The following BTBD16 variants were observed in gnomAD, a reference collection of about 807,000 sequenced individuals.
The protein encoded by BTBD16 is BTB domain containing 16, also known as BTB/POZ domain-containing protein 16.
A neutral mutation model predicts 67.4 loss-of-function variants in BTBD16; 66 were observed. The ratio of observed to expected loss-of-function variants is 0.98; its 90% CI spans 0.80 to 1.20. The LOEUF (loss-of-function observed/expected upper bound fraction) is 1.20. BTBD16 is among the 50% of genes most tolerant of loss of function. The pLI is 0.00. For missense variants in BTBD16, 634 were observed against 616.0 expected (o/e 1.03, Z -0.31); for synonymous variants, 242 against 236.4 (o/e 1.02, Z -0.22).
chr10:122,335,020 CT>C, intron 14 of BTBD16, 41 bp downstream of exon 14: 1 of 948,114 alleles, frequency 1.1e-6, no homozygotes, highest in Non-Finnish European at 1.6e-6. Flanking sequence ...CTGAGACAGT[CT>C]TTTAGAGTTA....
At chr10:122,325,339 G>T (rs2096442552) in intron 10 of BTBD16, among the ~76,000 whole-genome samples, 1 of 152,206 alleles carries the variant, frequency 6.6e-6, no homozygotes, top group Non-Finnish European at 1.5e-5. Context: ...CATGGAGCTT[G>T]CAATCTAGGA....
At chr10:122,336,805 C>G in intron 15 of BTBD16, 123 bp downstream of exon 15, 1 of 855,218 alleles carries the variant, frequency 1.2e-6, no homozygotes, top group Non-Finnish European at 1.7e-6. Flanking sequence ...AAATCTGGCT[C>G]AGTTTCTTAA....
intron 5 of BTBD16, 138 bp from the exon 6 acceptor site, chr10:122,289,771 T>A: frequency 1.9e-6 from 1 of 520,528 alleles, no homozygotes; most frequent in Non-Finnish European, 3.4e-6. Context: ...ATTAATTAAT[T>A]ACATCTATGA....
At chr10:122,328,883 ACT>A in intron 10 of BTBD16, 1 of 927,082 alleles carries the variant, frequency 1.1e-6, no homozygotes, top group Non-Finnish European at 1.3e-6. Flanking sequence ...TGGTATTAAC[ACT>A]GAGTATAGCA....
At chr10:122,298,977 T>C in intron 8 of BTBD16, 27 bp from the exon 9 acceptor site, 2 of 1,611,782 alleles carry the variant, frequency 1.2e-6, no homozygotes, top group Non-Finnish European at 8.5e-7. Flanking sequence ...AGGACTTCCT[T>C]CATCAACTGG....
chr10:122,286,323 A>T, intron 5 of BTBD16, 75 bp downstream of exon 5: 2 of 1,517,852 alleles, frequency 1.3e-6, no homozygotes, highest in South Asian at 2.6e-5. Flanking sequence ...GAACATGGTT[A>T]TCTGTTTTGA....
chr10:122,291,300 C>T, intron 7 of BTBD16, 106 bp downstream of exon 7: 1 of 1,376,256 alleles, frequency 7.3e-7, no homozygotes, highest in Non-Finnish European at 9.6e-7. Flanking sequence ...GCTAAGACAC[C>T]TCAGGTGTCT....
At position 122,275,185 on chromosome 10, in the gene BTBD16, G is replaced by A. The variant is rs1278326351; in HGVS notation, c.18+86G>A. 20 of 1,352,588 alleles carry A rather than the reference G, an allele frequency of 1.5e-5. No homozygotes were observed. The Admixed American group carries it at 3.2e-4, about 22-fold the overall frequency. 83.8% of individuals were successfully genotyped at this position (1,352,588 alleles called of 1,614,324 possible). A position where few individuals can be genotyped will look rare whatever the true frequency, so the allele number is the denominator to read the frequency against. On this transcript the variant is annotated intron_variant, in intron 2 of 15. Coordinates refer to ENST00000260723, the MANE Select transcript of BTBD16 (RefSeq NM_144587.5). ...TTTGACAAATTTCCACAAGGGGCTG[G>A]GTTCTGCACCACCGAGGACCTCAAG...
intron 10 of BTBD16, among the ~76,000 whole-genome samples, chr10:122,322,193 A>T (rs921954191): frequency 2.6e-5 from 4 of 151,908 alleles, no homozygotes; most frequent in Non-Finnish European, 5.9e-5. Context: ...TATTTCATTA[A>T]TTTTTCTCTT....
intron 3 of BTBD16, among the ~76,000 whole-genome samples, chr10:122,280,758 G>T (rs2096351261): frequency 6.6e-6 from 1 of 152,120 alleles, no homozygotes. Flanking sequence ...TGCAATACCA[G>T]TGCCACTGTA....
At chr10:122,310,997 G>A (rs112225297) in intron 10 of BTBD16, among the ~76,000 whole-genome samples, 21 of 136,186 alleles carry the variant, frequency 1.5e-4, no homozygotes, top group African/African-American at 5.8e-4. Flanking sequence ...TGTCTCAGCA[G>A]TGTCCGGAAG....
intron 15 of BTBD16, among the ~76,000 whole-genome samples, chr10:122,337,419 G>A (rs1002427541): frequency 1.3e-5 from 2 of 152,164 alleles, no homozygotes; most frequent in Admixed American, 6.5e-5. Context: ...AGAACATGAA[G>A]GACATTTCTG....
At chr10:122,323,547 A>G (rs2096439104) in intron 10 of BTBD16, among the ~76,000 whole-genome samples, 1 of 152,214 alleles carries the variant, frequency 6.6e-6, no homozygotes, top group Admixed American at 6.5e-5. Context: ...GGTCAGTATT[A>G]TTAGAAGCAG....
chr10:122,287,328 C>T, intron 5 of BTBD16: 1 of 678,276 alleles, frequency 1.5e-6, no homozygotes, highest in African/African-American at 2.0e-5. Flanking sequence ...ACAGTGAGTT[C>T]ATGGAAAAGC....
intron 9 of BTBD16, among the ~76,000 whole-genome samples, chr10:122,301,265 A>G (rs1050567100): frequency 1.3e-5 from 2 of 152,180 alleles, no homozygotes; most frequent in Non-Finnish European, 2.9e-5. Flanking sequence ...AAGAAAGGAG[A>G]AAAAAATGTC....
At chr10:122,283,984 G>T (rs376322387) in intron 4 of BTBD16, 60 bp downstream of exon 4, 3 of 1,316,588 alleles carry the variant, frequency 2.3e-6, no homozygotes, top group Non-Finnish European at 3.3e-6. Context: ...GGCATCTTGT[G>T]GTCTTTATGG....
intron 10 of BTBD16, chr10:122,327,571 C>T (rs900224489): frequency 3.9e-5 from 38 of 985,162 alleles, no homozygotes; most frequent in Middle Eastern, 5.2e-4. Context: ...CTGCCTGCCT[C>T]GGGGGTCCCA....
chr10:122,330,041 C>T (rs1355949792), intron 11 of BTBD16, among the ~76,000 whole-genome samples: 1 of 152,150 alleles, frequency 6.6e-6, no homozygotes, highest in African/African-American at 2.4e-5. Flanking sequence ...CAGGAGGCCA[C>T]CCAGTGAGAT....
chr10:122,309,090 G>T (rs533137505), intron 10 of BTBD16, among the ~76,000 whole-genome samples: 1 of 152,222 alleles, frequency 6.6e-6, no homozygotes, highest in African/African-American at 2.4e-5. Flanking sequence ...GCCCCAACTT[G>T]CCTGGCACCT....
Sources: gnomAD v4.1 joint callset for allele counts (sites outside exome capture counted in the v4.1 genomes callset) on GRCh38, gnomAD v4.1.1 for gene constraint, MANE v1.5 for transcripts, NCBI Gene and HGNC (gene_info 2026-07-23, HGNC 2026-07-21) for gene names.